Variants in EXOC6B observed in about 807,000 individuals in gnomAD.
The protein encoded by EXOC6B is exocyst complex component 6B, also known as SEC15 homolog B.
EXOC6B carries 54 observed loss-of-function variants against 113.5 expected under a neutral mutation model. The observed-to-expected ratio is 0.48, with a 90% confidence interval of 0.38 to 0.60. The LOEUF (loss-of-function observed/expected upper bound fraction) is 0.60. Among genes scored for constraint, EXOC6B ranks in the 20% least tolerant of loss-of-function variants. The pLI is 0.00. For synonymous variants in EXOC6B, 357 were observed against 339.0 expected, an observed-to-expected ratio of 1.05 and a Z score of -0.58; for missense variants, 797 against 977.5, an observed-to-expected ratio of 0.82 and a Z score of 2.46.
At chr2:72,338,478 A>G (rs1272981301) in intron 19 of EXOC6B, among the ~76,000 whole-genome samples, 1 of 152,072 alleles carries the variant, frequency 6.6e-6, no homozygotes. Flanking sequence ...ACTTATTTAT[A>G]GGCACTATTT....
intron 20 of EXOC6B, among the ~76,000 whole-genome samples, chr2:72,203,332 C>T (rs1679611611): frequency 6.6e-6 from 1 of 152,164 alleles, no homozygotes; most frequent in African/African-American, 2.4e-5. Context: ...TGTCTTGTCT[C>T]CCCAGGGAGA....
chr2:72,575,582 T>C lies in EXOC6B; in HGVS notation c.756A>G (p.Ile252Met). The C allele has an allele frequency of 6.2e-7, 1 of 1,611,278 alleles. No homozygotes were observed. The highest frequency in any genetic ancestry group is 8.5e-7 in the Non-Finnish European group (1 of 1,178,756). Reference protein sequence around the residue: ...SKRKSKKDAYIIFDTEIESTS... With the variant: ...SKRKSKKDAYMIFDTEIESTS... Reference sequence around the variant, plus strand: ...TACTTTCTATCTCTGTATCAAAGATTATATATGCATCTTTCTTAGATTTCC... The same window carrying C: ...TACTTTCTATCTCTGTATCAAAGATCATATATGCATCTTTCTTAGATTTCC... The change falls in exon 7 of 22, where the codon ATA (isoleucine) becomes ATG (methionine). Residue 252 changes from isoleucine (I) to methionine (M), a missense_variant. By Grantham distance (10) the Ile-to-Met change is conservative. Transcript: ENST00000272427.
chr2:72,401,597 A>G (rs1281188402), intron 18 of EXOC6B, among the ~76,000 whole-genome samples: 11 of 41,404 alleles, frequency 2.7e-4, no homozygotes, highest in South Asian at 1.0e-3. Context: ...ATATATATAT[A>G]TATATGTGTA....
intron 18 of EXOC6B, among the ~76,000 whole-genome samples, chr2:72,459,869 T>C (rs1038764086): frequency 1.3e-5 from 2 of 152,116 alleles, no homozygotes; most frequent in African/African-American, 4.8e-5. Flanking sequence ...AAAGTTCATA[T>C]GGAACCAAAA....
chr2:72,314,200 C>G (rs1687373031), intron 20 of EXOC6B, among the ~76,000 whole-genome samples: 1 of 152,150 alleles, frequency 6.6e-6, no homozygotes, highest in South Asian at 2.1e-4. Flanking sequence ...TTTGCCCTGT[C>G]TCTTCCTGGC....
intron 17 of EXOC6B, among the ~76,000 whole-genome samples, chr2:72,479,351 G>T (rs750028101): frequency 7.2e-5 from 11 of 151,930 alleles, no homozygotes; most frequent in Non-Finnish European, 1.3e-4. Context: ...ATTTTTATCT[G>T]TCATAAAGTA....
At chr2:72,572,170 T>G (rs914258431) in intron 7 of EXOC6B, among the ~76,000 whole-genome samples, 5 of 152,116 alleles carry the variant, frequency 3.3e-5, no homozygotes, top group Admixed American at 6.6e-5. Flanking sequence ...ACCCAAACAT[T>G]CATTTGTTTG....
chr2:72,550,904 A>ATTTTTTTT (rs1463200496), intron 8 of EXOC6B, among the ~76,000 whole-genome samples: 4 of 149,720 alleles, frequency 2.7e-5, no homozygotes, highest in African/African-American at 9.9e-5. Flanking sequence ...GATAACTGCC[A>ATTTTTTTT]TTTATTTTTT....
intron 20 of EXOC6B, chr2:72,289,216 C>G (rs1038501124): frequency 1.9e-5 from 3 of 159,768 alleles, no homozygotes; most frequent in African/African-American, 7.3e-5. Context: ...GAACTGGAAG[C>G]AGGAACAAGG....
intron 6 of EXOC6B, among the ~76,000 whole-genome samples, chr2:72,626,760 A>G (rs765605502): frequency 2.0e-5 from 3 of 152,178 alleles, no homozygotes; most frequent in Non-Finnish European, 4.4e-5. Flanking sequence ...GAGAAGGAAG[A>G]GCGTTTTCCC....
intron 18 of EXOC6B, among the ~76,000 whole-genome samples, chr2:72,426,889 A>G (rs1355751847): frequency 6.6e-6 from 1 of 152,248 alleles, no homozygotes; most frequent in Non-Finnish European, 1.5e-5. Context: ...CAGTGGCTGC[A>G]GGGGCAGAAA....
chr2:72,544,754 T>C (rs1170775464), intron 8 of EXOC6B, among the ~76,000 whole-genome samples: 1 of 152,122 alleles, frequency 6.6e-6, no homozygotes, highest in African/African-American at 2.4e-5. Context: ...TTTACAAAGA[T>C]CTGAATCATC....
chr2:72,823,150 TAAAAAAAA>T lies in EXOC6B; in HGVS notation c.113+2640_113+2647del, dbSNP rs778304758. 8.1e-5 allele frequency among the ~76,000 whole-genome samples: 6 copies of T among 73,850 alleles called. No homozygotes were observed. The East Asian group carries it at 1.2e-3, about 14-fold the overall frequency. 48.4% of individuals were successfully genotyped at this position (73,850 alleles called of 152,430 possible). On this transcript the variant is annotated intron_variant, in intron 1 of 21. Transcript: ENST00000272427. Reference sequence around the variant, plus strand: ...GACAGTAAGACTCAGTGTAATCTGCTAAAAAAAAAAAAAAAAAAAAAGTTGAGATCAAA... The same window carrying T: ...GACAGTAAGACTCAGTGTAATCTGCTAAAAAAAAAAAAAGTTGAGATCAAA...
At chr2:72,228,327 T>C (rs1188362764) in intron 20 of EXOC6B, among the ~76,000 whole-genome samples, 1 of 152,140 alleles carries the variant, frequency 6.6e-6, no homozygotes, top group East Asian at 1.9e-4. Context: ...GCAGGTTTGT[T>C]ACATATGTAT....
chr2:72,255,484 T>C (rs550675395), intron 20 of EXOC6B, among the ~76,000 whole-genome samples: 71 of 152,352 alleles, frequency 4.7e-4, no homozygotes, highest in Non-Finnish European at 6.5e-4. Flanking sequence ...CCAAGAGCCA[T>C]AGATAATTAG....
intron 6 of EXOC6B, among the ~76,000 whole-genome samples, chr2:72,577,390 GAA>G (rs1207126748): frequency 6.6e-6 from 1 of 151,986 alleles, no homozygotes; most frequent in African/African-American, 2.4e-5. Flanking sequence ...AAGGAAGGTA[GAA>G]CTTCCTTTAA....
intron 6 of EXOC6B, among the ~76,000 whole-genome samples, chr2:72,695,765 TA>T (rs1392520097): frequency 2.0e-5 from 3 of 151,292 alleles, no homozygotes; most frequent in African/African-American, 2.4e-5. Flanking sequence ...ATAACAAGAA[TA>T]AAAAAAAATT....
At chr2:72,423,637 G>T (rs1332281180) in intron 18 of EXOC6B, among the ~76,000 whole-genome samples, 1 of 152,038 alleles carries the variant, frequency 6.6e-6, no homozygotes, top group Non-Finnish European at 1.5e-5. Context: ...ACCACCTCCA[G>T]TGAAAAATAT....
intron 18 of EXOC6B, chr2:72,462,557 T>A (rs1011164074): frequency 6.6e-6 from 1 of 151,972 alleles, no homozygotes; most frequent in Non-Finnish European, 1.5e-5. Context: ...ATAGAAGGGA[T>A]TGGGGGAGTG....
Sources: allele counts gnomAD v4.1 joint callset (sites outside exome capture counted in the v4.1 genomes callset), GRCh38; gene constraint gnomAD v4.1.1; transcripts MANE v1.5; gene names NCBI Gene and HGNC (gene_info 2026-07-23, HGNC 2026-07-21).